RORB: variants seen among roughly 807,000 people sequenced by gnomAD.
The protein encoded by RORB is RAR related orphan receptor B, also known as nuclear receptor ROR-beta.
A neutral mutation model predicts 59.1 loss-of-function variants in RORB; 6 were observed. The ratio of observed to expected loss-of-function variants is 0.10; its 90% confidence interval spans 0.06 to 0.20. The LOEUF (loss-of-function observed/expected upper bound fraction) is 0.20. Ranked by LOEUF, RORB falls within the 10% of genes least tolerant of loss-of-function variation. The pLI is 1.00. For synonymous variants in RORB, 215 were observed against 204.5 expected (o/e 1.05, Z -0.44); for missense variants, 320 against 560.5 (o/e 0.57, Z 4.33).
intron 1 of RORB, among the ~76,000 whole-genome samples, chr9:74,526,365 A>G (rs1826156476): frequency 6.6e-6 from 1 of 151,798 alleles, no homozygotes; most frequent in Admixed American, 6.6e-5. Flanking sequence ...TAAAAGACTT[A>G]TTCAGACCCA....
rs115325708 is a variant in RORB at position 74,663,088 on chromosome 9, C to A, written c.892+482C>A. The stretch of plus-strand genomic sequence containing the variant: ...TACCCTTCCCTAACACACTGTCTGA[C>A]ACACACAATTGCTACAATCGCTGCG... On this transcript the variant is annotated intron_variant, in intron 6 of 9. Coordinates refer to ENST00000376896, the MANE Select transcript of RORB (RefSeq NM_006914.4). Among the ~76,000 whole-genome samples, 622 of 152,270 alleles carry A rather than the reference C, an allele frequency of 4.1e-3. 4 individuals carry two copies. The highest frequency in any genetic ancestry group is 0.014 in the African/African-American group (567 of 41,552).
intron 1 of RORB, among the ~76,000 whole-genome samples, chr9:74,542,406 A>T (rs1453937123): frequency 6.6e-6 from 1 of 152,232 alleles, no homozygotes; most frequent in South Asian, 2.1e-4. Flanking sequence ...ATCGAATTTC[A>T]GTGGACATTA....
chr9:74,629,648 G>A (rs1401471995), intron 1 of RORB, among the ~76,000 whole-genome samples: 1 of 151,938 alleles, frequency 6.6e-6, no homozygotes, highest in African/African-American at 2.4e-5. Flanking sequence ...AATTTATCCT[G>A]ATTTCTCCAT....
At chr9:74,499,253 C>T (rs969303873) in intron 1 of RORB, 32 of 152,576 alleles carry the variant, frequency 2.1e-4, no homozygotes, top group African/African-American at 7.2e-4. Flanking sequence ...GCAGGGAGCA[C>T]TTGGGAGAGT....
intron 1 of RORB, among the ~76,000 whole-genome samples, chr9:74,500,167 C>G (rs1205130963): frequency 6.6e-6 from 1 of 152,170 alleles, no homozygotes; most frequent in Non-Finnish European, 1.5e-5. Flanking sequence ...CAACTTCTAA[C>G]TTGAGGCAGC....
chr9:74,541,684 G>C (rs1360597539), intron 1 of RORB, among the ~76,000 whole-genome samples: 3 of 152,124 alleles, frequency 2.0e-5, no homozygotes, highest in Admixed American at 6.5e-5. Flanking sequence ...TATTTGGGTA[G>C]AAAAATAAGC....
chr9:74,588,186 T>C (rs1236265650), intron 1 of RORB, among the ~76,000 whole-genome samples: 1 of 152,134 alleles, frequency 6.6e-6, no homozygotes, highest in East Asian at 1.9e-4. Flanking sequence ...TCCACCAGCA[T>C]GATAGTGGGG....
At chr9:74,657,041 A>G (rs1824094492) in intron 4 of RORB, among the ~76,000 whole-genome samples, 1 of 151,852 alleles carries the variant, frequency 6.6e-6, no homozygotes, top group Admixed American at 6.6e-5. Context: ...ACTGGTCTAG[A>G]CTCACTTGGT....
intron 9 of RORB, among the ~76,000 whole-genome samples, chr9:74,680,525 G>A (rs1159356195): frequency 3.3e-5 from 5 of 152,196 alleles, no homozygotes; most frequent in East Asian, 1.9e-4. Flanking sequence ...GCCATGCCCA[G>A]GGTAGAAAGT....
intron 1 of RORB, among the ~76,000 whole-genome samples, chr9:74,597,844 G>C (rs889181872): frequency 2.0e-5 from 3 of 152,192 alleles, no homozygotes; most frequent in Admixed American, 2.0e-4. Flanking sequence ...TGTAATCCCA[G>C]CTACTTGGGA....
intron 1 of RORB, among the ~76,000 whole-genome samples, chr9:74,593,106 C>T (rs1195148301): frequency 6.6e-6 from 1 of 152,116 alleles, no homozygotes; most frequent in Non-Finnish European, 1.5e-5. Flanking sequence ...ATAAGTTTTG[C>T]TTAATTCAAC....
At chr9:74,685,344 T>C in intron 9 of RORB, 119 bp from the exon 10 acceptor site, 1 of 793,014 alleles carries the variant, frequency 1.3e-6, no homozygotes, top group Non-Finnish European at 1.9e-6. Context: ...TCTTTCTTTC[T>C]GAACATCTTT....
chr9:74,645,259 C>G (rs1365464428), intron 4 of RORB, among the ~76,000 whole-genome samples: 2 of 152,022 alleles, frequency 1.3e-5, no homozygotes. Flanking sequence ...ATCTAGGTAC[C>G]AATGAAGAGC....
intron 1 of RORB, among the ~76,000 whole-genome samples, chr9:74,535,792 T>C (rs1826314566): frequency 6.6e-6 from 1 of 152,088 alleles, no homozygotes; most frequent in Admixed American, 6.6e-5. Flanking sequence ...TGCATGCATG[T>C]TGGAATTTAT....
chr9:74,601,293 C>A (rs1388617061), intron 1 of RORB, among the ~76,000 whole-genome samples: 1 of 151,320 alleles, frequency 6.6e-6, no homozygotes, highest in East Asian at 1.9e-4. Flanking sequence ...TACATATCCA[C>A]TAAAAGTAAT....
chr9:74,579,093 A>AT (rs1210669259), intron 1 of RORB, among the ~76,000 whole-genome samples: 1 of 152,054 alleles, frequency 6.6e-6, no homozygotes, highest in East Asian at 1.9e-4. Context: ...TATTTTTGAG[A>AT]TTTTCTAATG....
At chr9:74,524,989 A>G (rs1419405478) in intron 1 of RORB, among the ~76,000 whole-genome samples, 1 of 151,900 alleles carries the variant, frequency 6.6e-6, no homozygotes, top group Admixed American at 6.6e-5. Flanking sequence ...CTAAGGATAT[A>G]AAAAGTACCC....
chr9:74,508,726 A>G (rs1225380754), intron 1 of RORB, among the ~76,000 whole-genome samples: 1 of 152,028 alleles, frequency 6.6e-6, no homozygotes, highest in African/African-American at 2.4e-5. Context: ...AATTCCTTAG[A>G]TACTATTTGT....
rs1427582197 is a variant in RORB, at chr9:74,530,938, T to C, written c.7+32955T>C. Among the ~76,000 whole-genome samples the C allele has an allele frequency of 4.0e-5, 6 of 151,722 alleles. No individual in the cohort carries two copies. In the East Asian group the frequency reaches 9.8e-4, roughly 25 times the overall value. ...TCATCCTGTGTCCAAGTGTTCTTAATTTTTTTTCCTTTTTATTATTTTCAT... is the reference window on the plus strand; with the variant it reads ...TCATCCTGTGTCCAAGTGTTCTTAACTTTTTTTCCTTTTTATTATTTTCAT... On this transcript the variant is annotated intron_variant, in intron 1 of 9. Coordinates refer to ENST00000376896, the MANE Select transcript of RORB (RefSeq NM_006914.4).
Sources: gnomAD v4.1 joint callset for allele counts (sites outside exome capture counted in the v4.1 genomes callset) on GRCh38, gnomAD v4.1.1 for gene constraint, MANE v1.5 for transcripts, NCBI Gene and HGNC (gene_info 2026-07-23, HGNC 2026-07-21) for gene names.